The following EYA4 variants were observed in gnomAD, a reference collection of about 807,000 sequenced individuals.
The protein encoded by EYA4 is EYA transcriptional coactivator and phosphatase 4.
Under a neutral mutation model 87.9 loss-of-function variants are expected in EYA4, and 31 were observed. That is an observed-to-expected ratio of 0.35 (90% CI 0.27 to 0.48). The LOEUF (loss-of-function observed/expected upper bound fraction) is 0.48, where lower values mean the gene tolerates loss of function less well. EYA4 is among the 20% of genes least tolerant of loss of function. The pLI is 0.99. For synonymous variants in EYA4, 263 were observed against 270.6 expected, an observed-to-expected ratio of 0.97 and a Z score of 0.28; for missense variants, 678 against 761.4, an observed-to-expected ratio of 0.89 and a Z score of 1.29.
chr6:133,331,778 T>G (rs986520204), intron 2 of EYA4, among the ~76,000 whole-genome samples: 3 of 152,240 alleles, frequency 2.0e-5, no homozygotes, highest in Non-Finnish European at 4.4e-5. Flanking sequence ...TTAAAAATAT[T>G]TCAAGGATGT....
intron 2 of EYA4, among the ~76,000 whole-genome samples, chr6:133,335,156 A>C (rs977697892): frequency 6.6e-6 from 1 of 152,206 alleles, no homozygotes; most frequent in Non-Finnish European, 1.5e-5. Context: ...CTGGATCACT[A>C]AAAGAAAATT....
chr6:133,264,351 G>A (rs369843754), intron 1 of EYA4, among the ~76,000 whole-genome samples: 4 of 152,346 alleles, frequency 2.6e-5, no homozygotes, highest in Admixed American at 1.3e-4. Flanking sequence ...TCTGAGGACA[G>A]GGTAAAGCTC....
chr6:133,305,777 TCAGGACC>T (rs1779757430), intron 2 of EYA4, among the ~76,000 whole-genome samples: 2 of 152,174 alleles, frequency 1.3e-5, no homozygotes. Context: ...TTGAAGGTAT[TCAGGACC>T]ACAGAATTGG....
At chr6:133,350,522 A>G (rs747928905) in intron 2 of EYA4, among the ~76,000 whole-genome samples, 6 of 152,026 alleles carry the variant, frequency 3.9e-5, no homozygotes, top group Non-Finnish European at 7.4e-5. Context: ...CTTCTAGACA[A>G]TGGGGATATG....
chr6:133,504,826 G>T (rs918972991), intron 13 of EYA4, among the ~76,000 whole-genome samples: 1 of 152,132 alleles, frequency 6.6e-6, no homozygotes, highest in Non-Finnish European at 1.5e-5. Context: ...ATCATAAATT[G>T]AGTAAAGTTT....
intron 13 of EYA4, among the ~76,000 whole-genome samples, chr6:133,503,041 G>A (rs865919477): frequency 1.1e-4 from 17 of 152,312 alleles, no homozygotes; most frequent in East Asian, 9.6e-4. Context: ...TCCCAGTGCC[G>A]TGGGGTTGCA....
chr6:133,509,429 A>C (rs569398121), intron 14 of EYA4, among the ~76,000 whole-genome samples: 24 of 152,038 alleles, frequency 1.6e-4, no homozygotes, highest in African/African-American at 5.3e-4. Flanking sequence ...GAACCATCTA[A>C]TTTGACACTC....
In EYA4 at chr6:133,415,971, C is replaced by G. The variant is rs1183568790; in HGVS notation, c.84-30659C>G. ...CTTCCAGCAAATGGTAAAGCCTTTG[C>G]TAATCCCTTAAGGATAAGTTGGAGT... On this transcript the variant is annotated intron_variant, in intron 3 of 19. Coordinates refer to ENST00000355286, the MANE Select transcript of EYA4 (RefSeq NM_004100.5). Among the ~76,000 whole-genome samples the G allele has an allele frequency of 2.0e-5, 3 of 152,198 alleles. No homozygotes were observed. The East Asian group carries it at 5.8e-4, about 29-fold the overall frequency.
intron 1 of EYA4, among the ~76,000 whole-genome samples, chr6:133,242,844 T>A (rs1400083034): frequency 6.6e-6 from 1 of 152,116 alleles, no homozygotes; most frequent in Non-Finnish European, 1.5e-5. Context: ...TTCTCCTTCC[T>A]ATGAAGACAA....
chr6:133,504,390 AAG>A, intron 13 of EYA4, among the ~76,000 whole-genome samples: 1 of 152,326 alleles, frequency 6.6e-6, no homozygotes, highest in Non-Finnish European at 1.5e-5. Context: ...CAGATATGTG[AAG>A]AGTCAGCATC....
At position 133,452,944 on chromosome 6, in the gene EYA4, A is replaced by G. The variant is rs568084873; in HGVS notation, c.278-3612A>G. ...ATATTGTTTCTTTTGAAATCAAAAC[A>G]TTTGGTGTGTAAGCTTGCATTTGGT... On this transcript the variant is annotated intron_variant, in intron 5 of 19. Transcript: ENST00000355286. 7 of 152,212 alleles carry G rather than the reference A, an allele frequency of 4.6e-5. No homozygotes were observed. In the South Asian group the frequency reaches 1.0e-3, roughly 23 times the overall value. The allele number at this position is 152,212 out of a possible 1,614,324, so 9.4% of individuals were successfully genotyped here. A position where few individuals can be genotyped will look rare whatever the true frequency, so the allele number is the denominator to read the frequency against.
chr6:133,504,179 A>G (rs1203234660), intron 13 of EYA4, among the ~76,000 whole-genome samples: 1 of 152,192 alleles, frequency 6.6e-6, no homozygotes, highest in African/African-American at 2.4e-5. Flanking sequence ...CAGCCTCCCA[A>G]AGTGCTGGGA....
At chr6:133,504,066 C>T (rs1294570594) in intron 13 of EYA4, among the ~76,000 whole-genome samples, 1 of 152,110 alleles carries the variant, frequency 6.6e-6, no homozygotes, top group Admixed American at 6.5e-5. Context: ...TACAAGCACA[C>T]ACCACTGTGT....
intron 1 of EYA4, among the ~76,000 whole-genome samples, chr6:133,255,071 G>A (rs1321896799): frequency 1.3e-5 from 2 of 152,176 alleles, no homozygotes; most frequent in Non-Finnish European, 2.9e-5. Context: ...AATAATAACA[G>A]TACTCGCCTC....
intron 11 of EYA4, among the ~76,000 whole-genome samples, chr6:133,469,537 A>G (rs1034678946): frequency 3.9e-5 from 6 of 152,074 alleles, no homozygotes; most frequent in African/African-American, 1.4e-4. Flanking sequence ...CCAGAAACAG[A>G]TGCATATATA....
At chr6:133,487,245 T>C (rs1326789899) in intron 13 of EYA4, among the ~76,000 whole-genome samples, 2 of 152,208 alleles carry the variant, frequency 1.3e-5, no homozygotes, top group Non-Finnish European at 2.9e-5. Flanking sequence ...GAACCTGAGT[T>C]CTGGCAAATC....
intron 5 of EYA4, among the ~76,000 whole-genome samples, chr6:133,451,226 A>G (rs1295375701): frequency 1.3e-5 from 2 of 152,252 alleles, no homozygotes; most frequent in African/African-American, 2.4e-5. Flanking sequence ...TAAAATGTTC[A>G]TGTCACAAAA....
chr6:133,342,704 C>A (rs145854771), intron 2 of EYA4, among the ~76,000 whole-genome samples: 106 of 150,742 alleles, frequency 7.0e-4, no homozygotes, highest in African/African-American at 2.5e-3. Flanking sequence ...CTGGGCCTGG[C>A]TAGGATTAAC....
intron 1 of EYA4, chr6:133,248,489 G>A (rs1582736788): frequency 6.6e-6 from 1 of 152,100 alleles, no homozygotes; most frequent in African/African-American, 2.4e-5. Context: ...TATACCCAAC[G>A]GAGTGATCTA....
Sources: allele counts gnomAD v4.1 joint callset (sites outside exome capture counted in the v4.1 genomes callset), GRCh38; gene constraint gnomAD v4.1.1; transcripts MANE v1.5; gene names NCBI Gene and HGNC (gene_info 2026-07-23, HGNC 2026-07-21).